CSGALNACT1: variants seen among roughly 807,000 people sequenced by gnomAD.
The protein encoded by CSGALNACT1 is chondroitin sulfate N-acetylgalactosaminyltransferase 1.
In CSGALNACT1, 52 loss-of-function variants were observed where a neutral mutation model predicts 51.0. The ratio of observed to expected loss-of-function variants is 1.02; its 90% confidence interval spans 0.82 to 1.29. The LOEUF (loss-of-function observed/expected upper bound fraction) is 1.29, where lower values mean the gene tolerates loss of function less well. Ranked by LOEUF, CSGALNACT1 falls within the 50% of genes most tolerant of loss-of-function variation. CSGALNACT1 has a pLI of 0.00. For synonymous variants in CSGALNACT1, 341 were observed against 254.4 expected (o/e 1.34, Z -3.24); for missense variants, 935 against 679.2 (o/e 1.38, Z -4.19).
At chr8:19,671,733 G>A (rs535643423) in intron 1 of CSGALNACT1, among the ~76,000 whole-genome samples, 44 of 152,180 alleles carry the variant, frequency 2.9e-4, no homozygotes, top group Non-Finnish European at 3.2e-4. Context: ...TTGGGAGTGC[G>A]GGGTGGTGGG....
chr8:19,488,711 T>C (rs923578928), intron 4 of CSGALNACT1, among the ~76,000 whole-genome samples: 8 of 152,146 alleles, frequency 5.3e-5, no homozygotes, highest in African/African-American at 1.9e-4. Context: ...ACTGCTATAA[T>C]GACATGTGTA....
chr8:19,669,924 T>C (rs911368952), intron 1 of CSGALNACT1, among the ~76,000 whole-genome samples: 1 of 152,220 alleles, frequency 6.6e-6, no homozygotes, highest in Admixed American at 6.5e-5. Context: ...GCATGTCTCC[T>C]GCAGTCCTGT....
At chr8:19,727,253 C>T (rs2063450334) in intron 1 of CSGALNACT1, among the ~76,000 whole-genome samples, 1 of 152,294 alleles carries the variant, frequency 6.6e-6, no homozygotes, top group Admixed American at 6.5e-5. Flanking sequence ...TTAGGAGTGA[C>T]TTCTCCCTTT....
intron 1 of CSGALNACT1, among the ~76,000 whole-genome samples, chr8:19,714,316 G>A (rs563812662): frequency 1.3e-3 from 195 of 148,260 alleles, no homozygotes; most frequent in Non-Finnish European, 2.5e-3. Context: ...AACTGTTGGA[G>A]TATAACATAC....
At chr8:19,505,828 T>A (rs1439496196) in exon 4 of CSGALNACT1, 2 of 1,611,116 alleles carry the variant, frequency 1.2e-6, no homozygotes, top group Non-Finnish European at 8.5e-7. Context: ...CGGCGAACCA[T>A]CATCATTCAG....
intron 1 of CSGALNACT1, among the ~76,000 whole-genome samples, chr8:19,673,092 G>A (rs1335789325): frequency 1.3e-5 from 2 of 152,208 alleles, no homozygotes; most frequent in African/African-American, 2.4e-5. Context: ...AGGGGCAAAT[G>A]TCGTCTTACA....
chr8:19,479,301 T>G (rs575122916), intron 4 of CSGALNACT1, among the ~76,000 whole-genome samples: 2 of 152,158 alleles, frequency 1.3e-5, no homozygotes, highest in Non-Finnish European at 2.9e-5. Flanking sequence ...ACACACTCCA[T>G]TGTCTTTGGA....
chr8:19,482,212 A>G (rs2071595353), intron 4 of CSGALNACT1, among the ~76,000 whole-genome samples: 1 of 152,180 alleles, frequency 6.6e-6, no homozygotes, highest in African/African-American at 2.4e-5. Context: ...TTCTTAATCC[A>G]TTTTGTCAAA....
chr8:19,419,334 C>T (rs2057495332), intron 7 of CSGALNACT1, among the ~76,000 whole-genome samples: 1 of 152,186 alleles, frequency 6.6e-6, no homozygotes, highest in Non-Finnish European at 1.5e-5. Context: ...AAAGAGAGTC[C>T]TGGTGCCCCA....
intron 3 of CSGALNACT1, among the ~76,000 whole-genome samples, chr8:19,523,797 A>C (rs772589527): frequency 6.6e-6 from 1 of 152,206 alleles, no homozygotes; most frequent in Non-Finnish European, 1.5e-5. Context: ...AGTGGCAAGG[A>C]CAGTTCTAAA....
chr8:19,407,375 C>A (rs1338900076), intron 9 of CSGALNACT1, among the ~76,000 whole-genome samples: 4 of 152,024 alleles, frequency 2.6e-5, no homozygotes, highest in Admixed American at 2.6e-4. Flanking sequence ...TCGTGGGGAG[C>A]CTGGGGATGG....
intron 1 of CSGALNACT1, among the ~76,000 whole-genome samples, chr8:19,713,133 T>C (rs966666155): frequency 2.0e-5 from 3 of 152,180 alleles, no homozygotes; most frequent in Admixed American, 1.3e-4. Flanking sequence ...TACTGCAAGA[T>C]CCTAAATCAT....
In CSGALNACT1 at chr8:19,652,892, T is replaced by C. The variant is rs77667915; in HGVS notation, c.-544+29581A>G. Among the ~76,000 whole-genome samples, 1,180 of 152,172 alleles carry C rather than the reference T, an allele frequency of 7.8e-3. 16 individuals are homozygous for C. Among genetic ancestry groups the C allele is most frequent in the African/African-American group, 0.027 (1,104 of 41,490 alleles). On this transcript the variant is annotated intron_variant, in intron 1 of 9. Transcript: ENST00000332246. ...GTTTACCAGATGAGCCCAGCTTCTA[T>C]TGACTAGGATCTCTGTGGCCTTCCA...
intron 1 of CSGALNACT1, among the ~76,000 whole-genome samples, chr8:19,679,583 A>G (rs1480117831): frequency 6.6e-6 from 1 of 152,218 alleles, no homozygotes; most frequent in Non-Finnish European, 1.5e-5. Context: ...ATACCCCTGT[A>G]GCCACCTTTA....
intron 1 of CSGALNACT1, among the ~76,000 whole-genome samples, chr8:19,681,761 G>C (rs936156413): frequency 6.6e-6 from 1 of 152,114 alleles, no homozygotes; most frequent in Non-Finnish European, 1.5e-5. Flanking sequence ...TGCCAGGCTG[G>C]GCCAGAGTCT....
In CSGALNACT1 at chr8:19,509,229, T is replaced by C. The variant is rs17128532; in HGVS notation, c.-296-3099A>G. ...GGTTATACTGAAGAGGCTGGGAGTA[T>C]CTGCTTCCTGAAGTCAGAAGAGGCT... On this transcript the variant is annotated intron_variant, in intron 3 of 9. Transcript: ENST00000454498. Among the ~76,000 whole-genome samples, 1,126 of 152,288 alleles carry C rather than the reference T, an allele frequency of 7.4e-3. 14 individuals carry two copies. The highest frequency in any genetic ancestry group is 0.026 in the African/African-American group (1,066 of 41,562).
Position 19,408,640 on chromosome 8 carries a change from G to A in CSGALNACT1, c.1282C>T (p.Gln428Ter). Residue 428 changes from glutamine to a stop codon, truncating the protein, a stop_gained, in exon 9 of 10, where the codon CAG becomes TAG. Transcript: ENST00000454498. LOFTEE classifies it high-confidence loss of function. Reference sequence around the variant, plus strand: ...ATATTGATGAAGTCTGACCGATACTGACACGTCATCCCAAATCCAAAGTCT... The same window carrying A: ...ATATTGATGAAGTCTGACCGATACTAACACGTCATCCCAAATCCAAAGTCT... The A allele has an allele frequency of 1.2e-6, 2 of 1,613,910 alleles. No individual in the cohort carries two copies.
At chr8:19,593,873 A>C (rs1318875598) in intron 2 of CSGALNACT1, among the ~76,000 whole-genome samples, 1 of 152,144 alleles carries the variant, frequency 6.6e-6, no homozygotes, top group Non-Finnish European at 1.5e-5. Context: ...CATCTGTCTC[A>C]AGACCCTTCT....
intron 3 of CSGALNACT1, among the ~76,000 whole-genome samples, chr8:19,518,372 T>G (rs578126141): frequency 6.6e-6 from 1 of 152,312 alleles, no homozygotes; most frequent in East Asian, 1.9e-4. Context: ...CCCTTCTCTT[T>G]ATCAGCAACC....
Sources: gnomAD v4.1 joint callset for allele counts (sites outside exome capture counted in the v4.1 genomes callset) on GRCh38, gnomAD v4.1.1 for gene constraint, MANE v1.5 for transcripts, NCBI Gene and HGNC (gene_info 2026-07-23, HGNC 2026-07-21) for gene names.